Variants in HDAC9 observed in about 807,000 individuals in gnomAD.
The protein encoded by HDAC9 is histone deacetylase 9.
In HDAC9, 41 loss-of-function variants were observed where a neutral mutation model predicts 139.4. The ratio of observed to expected loss-of-function variants is 0.29; its 90% CI spans 0.23 to 0.38. The LOEUF (loss-of-function observed/expected upper bound fraction) is 0.38. HDAC9 is among the 10% of genes least tolerant of loss of function. The probability of loss-of-function intolerance (pLI) is 1.00; values close to 1 mark genes in which losing one functional copy is unlikely to be tolerated. For synonymous variants in HDAC9, 517 were observed against 476.2 expected, an observed-to-expected ratio of 1.09 and a Z score of -1.12; for missense variants, 1,147 against 1,297.0, an observed-to-expected ratio of 0.88 and a Z score of 1.78.
At chr7:18,383,971 A>G (rs963913050) in intron 1 of HDAC9, among the ~76,000 whole-genome samples, 4 of 151,526 alleles carry the variant, frequency 2.6e-5, no homozygotes, top group African/African-American at 7.3e-5. Context: ...TACTAGTTAC[A>G]AAACATACTG....
intron 2 of HDAC9, among the ~76,000 whole-genome samples, chr7:18,497,967 A>G (rs1474245984): frequency 6.6e-6 from 1 of 152,026 alleles, no homozygotes; most frequent in Non-Finnish European, 1.5e-5. Context: ...AGAGATTGTC[A>G]TTTTCCTAGC....
At chr7:18,095,692 T>C (rs908586351) in intron 1 of HDAC9, among the ~76,000 whole-genome samples, 1 of 152,220 alleles carries the variant, frequency 6.6e-6, no homozygotes, top group Non-Finnish European at 1.5e-5. Flanking sequence ...TAAATATGAA[T>C]GCTTTTGCTT....
At chr7:18,090,709 T>C (rs1344811831) in intron 1 of HDAC9, among the ~76,000 whole-genome samples, 1 of 152,198 alleles carries the variant, frequency 6.6e-6, no homozygotes, top group East Asian at 1.9e-4. Context: ...TCAGAGATCA[T>C]ATTCTGGGTG....
chr7:18,867,914 C>T (rs933003381), intron 21 of HDAC9, among the ~76,000 whole-genome samples: 1 of 152,084 alleles, frequency 6.6e-6, no homozygotes, highest in African/African-American at 2.4e-5. Flanking sequence ...TTCAGATCGT[C>T]TACTAATTTT....
intron 1 of HDAC9, among the ~76,000 whole-genome samples, chr7:18,303,845 G>A (rs1260952541): frequency 1.3e-5 from 2 of 151,990 alleles, no homozygotes; most frequent in Non-Finnish European, 2.9e-5. Flanking sequence ...AACCTCACAT[G>A]GTTTTGGTCC....
At chr7:18,744,240 C>T (rs1787735306) in intron 13 of HDAC9, among the ~76,000 whole-genome samples, 1 of 152,072 alleles carries the variant, frequency 6.6e-6, no homozygotes, top group South Asian at 2.1e-4. Flanking sequence ...GATCTGCCCG[C>T]CTTGGCCTCC....
chr7:18,850,251 C>A (rs904585552), intron 21 of HDAC9, among the ~76,000 whole-genome samples: 1 of 152,266 alleles, frequency 6.6e-6, no homozygotes, highest in East Asian at 1.9e-4. Context: ...CAAAAGCATG[C>A]AGCTTTCTTT....
At chr7:18,674,434 C>T (rs1050971670) in intron 12 of HDAC9, among the ~76,000 whole-genome samples, 7 of 152,050 alleles carry the variant, frequency 4.6e-5, no homozygotes, top group Non-Finnish European at 1.0e-4. Context: ...CATATGCCAT[C>T]TGTGATTTCT....
chr7:18,942,523 A>C (rs1161695874), intron 23 of HDAC9, among the ~76,000 whole-genome samples: 1 of 152,118 alleles, frequency 6.6e-6, no homozygotes, highest in African/African-American at 2.4e-5. Context: ...GTGTAAAACA[A>C]CAACAGCAAC....
At chr7:18,313,140 G>T (rs1314078472) in intron 1 of HDAC9, among the ~76,000 whole-genome samples, 10 of 152,082 alleles carry the variant, frequency 6.6e-5, no homozygotes, top group Admixed American at 6.6e-4. Flanking sequence ...TTCATCACCT[G>T]AGTTTTCGGT....
At chr7:18,974,323 C>T (rs938751567) in intron 24 of HDAC9, among the ~76,000 whole-genome samples, 6 of 152,288 alleles carry the variant, frequency 3.9e-5, no homozygotes, top group African/African-American at 1.4e-4. Flanking sequence ...CCTGGCAAGT[C>T]TTCCCATACT....
intron 1 of HDAC9, among the ~76,000 whole-genome samples, chr7:18,294,574 C>T (rs1466820146): frequency 6.6e-6 from 1 of 152,038 alleles, no homozygotes; most frequent in Non-Finnish European, 1.5e-5. Context: ...GTCAGCATGG[C>T]TGAAACATGT....
intron 24 of HDAC9, among the ~76,000 whole-genome samples, chr7:18,966,801 G>T (rs189567946): frequency 2.6e-4 from 40 of 152,226 alleles, no homozygotes; most frequent in African/African-American, 9.4e-4. Context: ...GAAAGGACCA[G>T]CCTTCCATAC....
At chr7:18,100,371 C>T (rs1244507624) in intron 1 of HDAC9, among the ~76,000 whole-genome samples, 2 of 152,080 alleles carry the variant, frequency 1.3e-5, no homozygotes, top group Non-Finnish European at 2.9e-5. Context: ...AAAAGTTAGT[C>T]ATTATTTCTT....
chr7:18,495,145 C>T (rs1235071067), upstream of HDAC9, among the ~76,000 whole-genome samples: 1 of 152,042 alleles, frequency 6.6e-6, no homozygotes, highest in African/African-American at 2.4e-5. Flanking sequence ...GCTAAATCTC[C>T]TGTTAGTCCT....
At chr7:18,402,993 C>A (rs377721159) in intron 1 of HDAC9, among the ~76,000 whole-genome samples, 2 of 152,206 alleles carry the variant, frequency 1.3e-5, no homozygotes, top group South Asian at 2.1e-4. Flanking sequence ...GAGTCAGAGT[C>A]GGCTTGATCC....
intron 1 of HDAC9, among the ~76,000 whole-genome samples, chr7:18,394,616 G>A (rs1302529020): frequency 1.3e-5 from 2 of 152,042 alleles, no homozygotes; most frequent in Admixed American, 1.3e-4. Flanking sequence ...GTGTGTGTGT[G>A]TATCTGTGTG....
chr7:18,716,424 T>A (rs1373487719), intron 12 of HDAC9, among the ~76,000 whole-genome samples: 1 of 152,216 alleles, frequency 6.6e-6, no homozygotes, highest in East Asian at 1.9e-4. Flanking sequence ...AATTTCAAAA[T>A]TGGAATATAG....
chr7:18,829,515 A>C lies in HDAC9; in HGVS notation c.2433A>C (p.Gln811His). The change falls in exon 19 of 26, where the codon CAA (glutamine) becomes CAC (histidine). Residue 811 changes from glutamine to histidine, a missense_variant. Around this residue, in one of 7 missense-constraint regions of HDAC9, gnomAD observed 407 missense variants for 521.5 expected, o/e 0.78. Transcript: ENST00000686413. ...VAITAKYLRD[Q>H]LNISKILIVD... ...TTACCGCCAAATACTTGAGAGACCA[A>C]CTAAATATAAGCAAGATATTGATTG... is the stretch of plus-strand genomic sequence containing the variant. 1.9e-6 allele frequency: 3 copies of C among 1,611,158 alleles called. No homozygotes were observed. The highest frequency in any genetic ancestry group is 2.5e-6 in the Non-Finnish European group (3 of 1,177,502).
Sources: gnomAD v4.1 joint callset for allele counts (sites outside exome capture counted in the v4.1 genomes callset) on GRCh38, gnomAD v4.1.1 for gene constraint, gnomAD v4.1.1 regional missense constraint, MANE v1.5 for transcripts, NCBI Gene and HGNC (gene_info 2026-07-23, HGNC 2026-07-21) for gene names.